Variants in DCC observed in about 807,000 individuals in gnomAD.
DCC encodes the protein DCC netrin 1 receptor, also known as netrin receptor DCC.
In DCC, 58 loss-of-function variants were observed where a neutral mutation model predicts 172.5. That is an observed-to-expected ratio of 0.34 (90% CI 0.27 to 0.42). DCC has a LOEUF of 0.42. Ranked by LOEUF, DCC falls within the 10% of genes least tolerant of loss-of-function variation. The probability of loss-of-function intolerance (pLI) is 1.00; values close to 1 mark genes in which losing one functional copy is unlikely to be tolerated. For missense variants in DCC, 1,740 were observed against 1,791.0 expected (o/e 0.97, Z 0.51); for synonymous variants, 709 against 644.5 (o/e 1.10, Z -1.52).
At chr18:53,281,762 A>ATT (rs754969859) in intron 12 of DCC, among the ~76,000 whole-genome samples, 5,637 of 115,184 alleles carry the variant, frequency 0.049, 409 homozygotes, top group African/African-American at 0.17. Flanking sequence ...TTAATGGGGG[A>ATT]TTTTTTTTTT....
chr18:53,066,353 GTATATA>G (rs10526030), intron 7 of DCC, among the ~76,000 whole-genome samples, 187 bp downstream of exon 7: 3,101 of 94,170 alleles, frequency 0.033, 82 homozygotes, highest in Admixed American at 0.068. Context: ...GTACATGTGT[GTATATA>G]TATATATATA....
At chr18:53,259,808 T>A (rs576252210) in intron 12 of DCC, among the ~76,000 whole-genome samples, 14 of 152,346 alleles carry the variant, frequency 9.2e-5, no homozygotes, top group Admixed American at 7.2e-4. Context: ...CAGTATGTTT[T>A]CCAACTTGGT....
At chr18:52,473,914 G>C (rs963379108) in intron 1 of DCC, among the ~76,000 whole-genome samples, 1 of 151,928 alleles carries the variant, frequency 6.6e-6, no homozygotes, top group Admixed American at 6.6e-5. Flanking sequence ...CTCCACCAAA[G>C]CCCCTTCCAC....
chr18:53,334,172 T>A (rs2057565055), intron 14 of DCC, among the ~76,000 whole-genome samples: 1 of 152,182 alleles, frequency 6.6e-6, no homozygotes. Context: ...GGTCTCCATG[T>A]TTCATTCTAT....
At chr18:53,355,362 G>A (rs1249364077) in intron 15 of DCC, among the ~76,000 whole-genome samples, 1 of 152,034 alleles carries the variant, frequency 6.6e-6, no homozygotes, top group African/African-American at 2.4e-5. Context: ...AATTACCTTG[G>A]GCAGTATGAC....
At chr18:53,305,072 T>C (rs199647829) in intron 12 of DCC, among the ~76,000 whole-genome samples, 18 of 152,342 alleles carry the variant, frequency 1.2e-4, no homozygotes, top group Middle Eastern at 3.4e-3. Context: ...ATGTAAGACA[T>C]GTCTTTGCTT....
intron 5 of DCC, among the ~76,000 whole-genome samples, chr18:53,037,559 T>TA (rs916246133): frequency 3.3e-5 from 5 of 151,970 alleles, no homozygotes; most frequent in African/African-American, 1.2e-4. Context: ...TAGAAGATCA[T>TA]AAAAAATTGT....
intron 13 of DCC, 132 bp downstream of exon 13, chr18:53,305,851 A>G: frequency 2.4e-6 from 2 of 844,120 alleles, no homozygotes; most frequent in Non-Finnish European, 2.0e-6. Context: ...ATTGGCTGGA[A>G]CAAGAACAAC....
intron 1 of DCC, among the ~76,000 whole-genome samples, chr18:52,494,511 C>T (rs776674668): frequency 2.8e-4 from 42 of 151,708 alleles, no homozygotes; most frequent in Admixed American, 9.9e-4. Context: ...ATGTACTTTC[C>T]GATATTTTTC....
Position 53,351,412 on chromosome 18 carries a change from TATATAC to T in DCC, c.2359+11507_2359+11512del, listed in dbSNP as rs60526766. On this transcript the variant is annotated intron_variant, in intron 15 of 28. Coordinates refer to ENST00000442544, the MANE Select transcript of DCC (RefSeq NM_005215.4). Reference sequence around the variant, plus strand: ...TATATATATACAGTGTATATATATATATATACACACTGTGTATATATATATACAGTG... The same window carrying T: ...TATATATATACAGTGTATATATATATACACTGTGTATATATATATACAGTG... Among the ~76,000 whole-genome samples the T allele has an allele frequency of 7.4e-3, 57 of 7,668 alleles. 1 individual carries two copies. In the East Asian group the frequency reaches 0.2, roughly 26 times the overall value. The allele number at this position is 7,668 out of a possible 152,430, so 5.0% of individuals were successfully genotyped here.
At chr18:52,505,527 T>TTA (rs1335775235) in intron 1 of DCC, among the ~76,000 whole-genome samples, 18 of 152,138 alleles carry the variant, frequency 1.2e-4, no homozygotes, top group Non-Finnish European at 1.5e-4. Context: ...ACAAAAGAAG[T>TTA]TATATATATA....
intron 13 of DCC, among the ~76,000 whole-genome samples, chr18:53,318,353 T>C (rs1416460635): frequency 2.0e-5 from 3 of 152,210 alleles, no homozygotes; most frequent in African/African-American, 7.2e-5. Flanking sequence ...AGACTATTTG[T>C]TATGATTTTC....
At chr18:52,368,441 TC>T (rs1046418526) in intron 1 of DCC, among the ~76,000 whole-genome samples, 15 of 152,184 alleles carry the variant, frequency 9.9e-5, no homozygotes, top group African/African-American at 3.4e-4. Context: ...TGTTGCTCTT[TC>T]CACCCTGAGA....
intron 1 of DCC, among the ~76,000 whole-genome samples, chr18:52,717,547 A>G (rs1228186535): frequency 6.6e-6 from 1 of 150,392 alleles, no homozygotes; most frequent in Non-Finnish European, 1.5e-5. Context: ...TAACATTCAG[A>G]TGCTCAGAAA....
intron 12 of DCC, among the ~76,000 whole-genome samples, chr18:53,268,940 G>C (rs942350584): frequency 1.3e-5 from 2 of 152,176 alleles, no homozygotes; most frequent in African/African-American, 4.8e-5. Context: ...TTTATAGAGT[G>C]TAGTCTCCAG....
intron 2 of DCC, among the ~76,000 whole-genome samples, chr18:52,788,704 G>A (rs940720091): frequency 2.0e-5 from 3 of 152,116 alleles, no homozygotes; most frequent in African/African-American, 7.2e-5. Context: ...GTTTCTTATT[G>A]GGATTATTGG....
In DCC at chr18:53,326,949, C is replaced by T. The variant is rs185888274; in HGVS notation, c.2164+4792C>T. Among the ~76,000 whole-genome samples the T allele has an allele frequency of 4.5e-3, 684 of 152,266 alleles. 8 individuals are homozygous for T. The highest frequency in any genetic ancestry group is 0.016 in the African/African-American group (663 of 41,542). The stretch of plus-strand genomic sequence containing the variant: ...TTATGTTGTATAACTTACCCCCCTG[C>T]TTCAGAGCCTGATGGTGATCGCCAA... On this transcript the variant is annotated intron_variant, in intron 14 of 28. Coordinates refer to ENST00000442544, the MANE Select transcript of DCC (RefSeq NM_005215.4).
intron 1 of DCC, among the ~76,000 whole-genome samples, chr18:52,525,986 T>A (rs1023177352): frequency 1.8e-4 from 28 of 152,238 alleles, no homozygotes. Context: ...CTAATGATAT[T>A]CTTACATTAT....
chr18:53,000,582 A>C (rs1038618789), intron 5 of DCC, among the ~76,000 whole-genome samples: 2 of 119,274 alleles, frequency 1.7e-5, no homozygotes, highest in East Asian at 4.9e-4. Context: ...ATCAGCTTAC[A>C]TTCTTTTTTT....
Sources: allele counts gnomAD v4.1 joint callset (sites outside exome capture counted in the v4.1 genomes callset), GRCh38; gene constraint gnomAD v4.1.1; transcripts MANE v1.5; gene names NCBI Gene and HGNC (gene_info 2026-07-23, HGNC 2026-07-21).